The following EXOC4 variants were observed in gnomAD, a reference collection of about 807,000 sequenced individuals.
EXOC4 encodes the protein SEC8-like 1.
EXOC4 carries 71 observed loss-of-function variants against 107.2 expected under a neutral mutation model. That is an observed-to-expected ratio of 0.66 (90% CI 0.55 to 0.81). The LOEUF (loss-of-function observed/expected upper bound fraction) is 0.81, where lower values mean the gene tolerates loss of function less well. Ranked by LOEUF, EXOC4 falls within the 30% of genes least tolerant of loss-of-function variation. The pLI, the probability that EXOC4 is intolerant of heterozygous loss-of-function variation, is 0.00. For missense variants in EXOC4, 1,108 were observed against 1,189.6 expected (o/e 0.93, Z 1.01); for synonymous variants, 456 against 441.2 (o/e 1.03, Z -0.42).
At chr7:133,734,440 T>TC (rs1256292843) in intron 10 of EXOC4, among the ~76,000 whole-genome samples, 1 of 151,646 alleles carries the variant, frequency 6.6e-6, no homozygotes, top group African/African-American at 2.4e-5. Context: ...TTCACTTTTT[T>TC]TTTTTTTCGA....
chr7:133,561,810 C>T (rs1229717607), intron 9 of EXOC4, among the ~76,000 whole-genome samples: 5 of 152,192 alleles, frequency 3.3e-5, no homozygotes, highest in Admixed American at 6.5e-5. Context: ...GGTGCGTGCG[C>T]GTGCCCCAAG....
At chr7:133,528,620 A>G (rs1170060646) in intron 9 of EXOC4, among the ~76,000 whole-genome samples, 3 of 152,134 alleles carry the variant, frequency 2.0e-5, no homozygotes, top group African/African-American at 7.2e-5. Flanking sequence ...TTTTAAGTCA[A>G]CCAGGACATG....
intron 10 of EXOC4, among the ~76,000 whole-genome samples, chr7:133,670,986 G>T (rs1251975319): frequency 6.6e-6 from 1 of 152,140 alleles, no homozygotes; most frequent in East Asian, 1.9e-4. Flanking sequence ...GGTGCTCAGG[G>T]TGCGTGGTCA....
intron 10 of EXOC4, among the ~76,000 whole-genome samples, chr7:133,764,938 G>GA (rs1411692984): frequency 5.3e-5 from 8 of 151,954 alleles, no homozygotes; most frequent in African/African-American, 1.9e-4. Flanking sequence ...TCCCAAACAA[G>GA]TTACTTAACC....
chr7:133,945,532 G>A (rs148417799), intron 14 of EXOC4, among the ~76,000 whole-genome samples: 1 of 152,110 alleles, frequency 6.6e-6, no homozygotes, highest in Non-Finnish European at 1.5e-5. Flanking sequence ...ACCCAAATCT[G>A]ATTAACAACA....
chr7:133,615,134 A>C (rs1244351490), intron 9 of EXOC4, among the ~76,000 whole-genome samples: 1 of 152,086 alleles, frequency 6.6e-6, no homozygotes, highest in Non-Finnish European at 1.5e-5. Flanking sequence ...TTGTTAGAGA[A>C]ATGAAAAAGC....
chr7:134,067,636 TATACACACACAC>T (rs1471753495), downstream of EXOC4, among the ~76,000 whole-genome samples: 2 of 129,100 alleles, frequency 1.5e-5, no homozygotes, highest in Non-Finnish European at 3.4e-5. Flanking sequence ...TATATATATA[TATACACACACAC>T]ACACACACAC....
At chr7:133,454,268 A>G (rs1798413913) in intron 7 of EXOC4, among the ~76,000 whole-genome samples, 1 of 152,148 alleles carries the variant, frequency 6.6e-6, no homozygotes. Context: ...TATATTTTAA[A>G]TAATTTCTCC....
At chr7:134,063,063 A>G (rs1248449036) in intron 17 of EXOC4, among the ~76,000 whole-genome samples, 1 of 152,148 alleles carries the variant, frequency 6.6e-6, no homozygotes, top group African/African-American at 2.4e-5. Flanking sequence ...TGCTCTCTGG[A>G]AGAAGGAAGT....
At chr7:133,449,383 A>G (rs1798289015) in intron 7 of EXOC4, among the ~76,000 whole-genome samples, 2 of 152,178 alleles carry the variant, frequency 1.3e-5, no homozygotes, top group Admixed American at 1.3e-4. Flanking sequence ...GCCACCCAGT[A>G]TGTGGTCATT....
intron 6 of EXOC4, among the ~76,000 whole-genome samples, chr7:133,373,095 C>G (rs1461037487): frequency 6.6e-6 from 1 of 152,180 alleles, no homozygotes; most frequent in Non-Finnish European, 1.5e-5. Context: ...AGAACCTTCA[C>G]TTAATCAGGT....
chr7:133,812,024 C>T (rs1238810912), intron 10 of EXOC4, among the ~76,000 whole-genome samples: 1 of 152,062 alleles, frequency 6.6e-6, no homozygotes, highest in Non-Finnish European at 1.5e-5. Flanking sequence ...TGCGCCTGGC[C>T]ACGTGGGGTT....
intron 12 of EXOC4, among the ~76,000 whole-genome samples, chr7:133,899,170 AAAT>A (rs1178102364): frequency 1.3e-5 from 2 of 152,046 alleles, no homozygotes; most frequent in Non-Finnish European, 2.9e-5. Flanking sequence ...ACTTTCTTAC[AAAT>A]AATAATGTTG....
intron 6 of EXOC4, among the ~76,000 whole-genome samples, chr7:133,372,635 T>A (rs750710659): frequency 3.9e-4 from 60 of 152,158 alleles, no homozygotes; most frequent in Non-Finnish European, 6.5e-4. Context: ...GTGGCACTCA[T>A]TGGCCCTGGA....
chr7:133,668,796 C>T lies in EXOC4; in HGVS notation c.1514+38655C>T, dbSNP rs150625139. 3.3e-3 allele frequency among the ~76,000 whole-genome samples: 499 copies of T among 152,144 alleles called. 2 individuals are homozygous for T. Among genetic ancestry groups the T allele is most frequent in the Non-Finnish European group, 4.2e-3 (289 of 68,004 alleles). ...CTCCAACATTCCCGAGTTATGGTTC[C>T]AAGGACCTGGGCCAGAGGTGCCTTT... is the stretch of plus-strand genomic sequence containing the variant. On this transcript the variant is annotated intron_variant, in intron 10 of 17. Transcript: ENST00000253861.
chr7:133,537,124 C>T (rs1800284550), intron 9 of EXOC4, among the ~76,000 whole-genome samples: 1 of 151,508 alleles, frequency 6.6e-6, no homozygotes, highest in South Asian at 2.1e-4. Flanking sequence ...AAACCAAATC[C>T]TTTAAATTCA....
intron 17 of EXOC4, among the ~76,000 whole-genome samples, chr7:134,046,403 G>A (rs1006409758): frequency 2.6e-5 from 4 of 151,882 alleles, no homozygotes; most frequent in Admixed American, 2.6e-4. Context: ...CTGGGAGGCA[G>A]AGGTTGCAGT....
chr7:133,295,096 T>C (rs1794488865), intron 3 of EXOC4, among the ~76,000 whole-genome samples: 1 of 152,146 alleles, frequency 6.6e-6, no homozygotes, highest in Non-Finnish European at 1.5e-5. Flanking sequence ...TAGGAAATGA[T>C]ATGATGATTG....
intron 7 of EXOC4, among the ~76,000 whole-genome samples, chr7:133,432,579 T>G (rs1797880243): frequency 6.6e-6 from 1 of 152,202 alleles, no homozygotes; most frequent in Non-Finnish European, 1.5e-5. Flanking sequence ...AGGATTTAAC[T>G]GGTATGTGGT....
Sources: gnomAD v4.1 joint callset for allele counts (sites outside exome capture counted in the v4.1 genomes callset) on GRCh38, gnomAD v4.1.1 for gene constraint, MANE v1.5 for transcripts, NCBI Gene and HGNC (gene_info 2026-07-23, HGNC 2026-07-21) for gene names.